Variants in ST3GAL5 observed in about 807,000 individuals in gnomAD.
The protein encoded by ST3GAL5 is ST3 beta-galactoside alpha-2,3-sialyltransferase 5, also known as lactosylceramide alpha-2,3-sialyltransferase.
A neutral mutation model predicts 46.1 loss-of-function variants in ST3GAL5; 25 were observed. That is an observed-to-expected ratio of 0.54 (90% CI 0.40 to 0.76). ST3GAL5 has a LOEUF of 0.76. ST3GAL5 is among the 30% of genes least tolerant of loss of function. The pLI is 0.00. For missense variants in ST3GAL5, 431 were observed against 521.2 expected (o/e 0.83, Z 1.69); for synonymous variants, 182 against 192.7 (o/e 0.94, Z 0.46).
chr2:85,883,787 T>C (rs1296122357), intron 1 of ST3GAL5, among the ~76,000 whole-genome samples: 1 of 152,110 alleles, frequency 6.6e-6, no homozygotes, highest in Admixed American at 6.5e-5. Context: ...GGTGAGGTGG[T>C]TTAAAGTGGA....
rs180807193 is a variant in ST3GAL5 at position 85,887,088 on chromosome 2, A to T, written c.82+1736T>A. On this transcript the variant is annotated intron_variant, in intron 1 of 6. Transcript: ENST00000638572. ...TCCAGGACCTGGAATGGACTCCCACAGAGGACTCACCAACCTCTTTTCATT... is the reference window on the plus strand; with the variant it reads ...TCCAGGACCTGGAATGGACTCCCACTGAGGACTCACCAACCTCTTTTCATT... Among the ~76,000 whole-genome samples the T allele has an allele frequency of 2.6e-3, 399 of 152,272 alleles. 1 individual carries two copies. The highest frequency in any genetic ancestry group is 9.0e-3 in the African/African-American group (373 of 41,560).
At chr2:85,864,591 A>G (rs1267821701) in intron 1 of ST3GAL5, among the ~76,000 whole-genome samples, 1 of 137,384 alleles carries the variant, frequency 7.3e-6, no homozygotes, top group Non-Finnish European at 1.7e-5. Context: ...ATCAAAAAAA[A>G]AAAAGAAAAA....
chr2:85,871,614 T>A (rs1051411448), intron 1 of ST3GAL5, among the ~76,000 whole-genome samples: 1 of 152,166 alleles, frequency 6.6e-6, no homozygotes, highest in Non-Finnish European at 1.5e-5. Flanking sequence ...TATGATCTAG[T>A]GAACCTAAAA....
At chr2:85,881,221 C>T (rs1340572875) in intron 1 of ST3GAL5, among the ~76,000 whole-genome samples, 3 of 152,224 alleles carry the variant, frequency 2.0e-5, no homozygotes, top group Non-Finnish European at 4.4e-5. Flanking sequence ...ACATGTGGAA[C>T]TGTAAATCCA....
chr2:85,848,262 TC>T (rs1683059876), intron 3 of ST3GAL5, 58 bp from the exon 4 acceptor site: 5 of 1,612,824 alleles, frequency 3.1e-6, no homozygotes, highest in Non-Finnish European at 4.2e-6. Context: ...AAAAATATAC[TC>T]TTCTAGATGA....
intron 3 of ST3GAL5, chr2:85,851,413 C>T: frequency 8.3e-7 from 1 of 1,199,308 alleles, no homozygotes; most frequent in Non-Finnish European, 1.1e-6. Flanking sequence ...CCACTGATTG[C>T]CTGGAGACAG....
Position 85,888,978 on chromosome 2 carries a change from C to G in ST3GAL5, c.-73G>C. The G allele has an allele frequency of 2.6e-6, 3 of 1,173,552 alleles. No individual in the cohort carries two copies. Among genetic ancestry groups the G allele is most frequent in the Non-Finnish European group, 3.2e-6 (3 of 933,462 alleles). The allele number at this position is 1,173,552 out of a possible 1,614,324, so 72.7% of individuals were successfully genotyped here. A position where few individuals can be genotyped will look rare whatever the true frequency, so the allele number is the denominator to read the frequency against. On this transcript the variant is annotated 5_prime_UTR_variant, in exon 1 of 7. Coordinates refer to ENST00000638572, the MANE Select transcript of ST3GAL5 (RefSeq NM_003896.4). The stretch of plus-strand genomic sequence containing the variant: ...CCACCCGCCCCCAGCGCCGCTCTCG[C>G]GCCCATTCAGCTGGGGGCCGCCGCT...
At chr2:85,851,784 G>C in intron 3 of ST3GAL5, 2 of 1,210,768 alleles carry the variant, frequency 1.7e-6, no homozygotes. Flanking sequence ...CGTCAGCTGG[G>C]GCCTGGGTGG....
At chr2:85,889,007 C>T, upstream of ST3GAL5, 3 of 910,078 alleles carry the variant, frequency 3.3e-6, no homozygotes, top group South Asian at 8.6e-5. Context: ...CGCCGCTCCC[C>T]CGCTCAGATG....
intron 1 of ST3GAL5, chr2:85,888,394 C>G (rs930639931): frequency 6.5e-6 from 1 of 153,956 alleles, no homozygotes; most frequent in Admixed American, 6.5e-5. Flanking sequence ...CACGCCTCCC[C>G]GATGGATGCA....
chr2:85,870,920 C>T (rs182035066), intron 1 of ST3GAL5, among the ~76,000 whole-genome samples: 3 of 152,132 alleles, frequency 2.0e-5, no homozygotes, highest in Middle Eastern at 3.4e-3. Context: ...CCGCCTTGGC[C>T]GCCCAAAGTG....
chr2:85,840,101 C>T lies in ST3GAL5; in HGVS notation c.*43G>A. On this transcript the variant is annotated 3_prime_UTR_variant, in exon 7 of 7. Transcript: ENST00000638572. Reference sequence around the variant, plus strand: ...ACATCAAGAAGGCTGTCAAAAACAGCTCTCAGAGTTAGAGTTGCATTTTCA... The same window carrying T: ...ACATCAAGAAGGCTGTCAAAAACAGTTCTCAGAGTTAGAGTTGCATTTTCA... 1 of 1,614,040 alleles carries T rather than the reference C, an allele frequency of 6.2e-7. No homozygotes were observed. Among genetic ancestry groups the T allele is most frequent in the South Asian group, 1.1e-5 (1 of 91,046 alleles).
chr2:85,851,095 T>C (rs1302103468), intron 3 of ST3GAL5: 5 of 236,116 alleles, frequency 2.1e-5, no homozygotes, highest in Non-Finnish European at 3.5e-5. Flanking sequence ...TTTTGTATTT[T>C]CAGTACAGAC....
At chr2:85,870,266 G>A in intron 1 of ST3GAL5, 1 of 469,828 alleles carries the variant, frequency 2.1e-6, no homozygotes. Flanking sequence ...TGCCTAGGAA[G>A]GGAAGAGGCA....
chr2:85,868,053 G>C (rs1300355199), intron 1 of ST3GAL5: 2 of 218,170 alleles, frequency 9.2e-6, no homozygotes, highest in Non-Finnish European at 1.9e-5. Context: ...CAAGAGAAGG[G>C]CCAAGCTGGG....
At chr2:85,854,331 C>G (rs1206855944) in intron 3 of ST3GAL5, 1 of 152,624 alleles carries the variant, frequency 6.6e-6, no homozygotes, top group Admixed American at 6.6e-5. Context: ...AGAAGTCCTC[C>G]CAACCCCCCT....
rs1683047204 is a variant in ST3GAL5, at chr2:85,848,190, A to AT, written c.332dup (p.Tyr111Ter). 4.3e-6 allele frequency: 7 copies of AT among 1,614,120 alleles called. No homozygotes were observed. The highest frequency in any genetic ancestry group is 5.9e-6 in the Non-Finnish European group (7 of 1,180,034). ...ATTCCTTCTGCAAGACTTGCTGAGC[A>AT]TATTTCTGAGCTCTCTGGAATGAAA... is the stretch of plus-strand genomic sequence containing the variant. ...DPDHVKRAQK[Y>*]AQQVLQKECR... The change falls in exon 4 of 7, where the codon TAT becomes TAAT. Residue 111 changes from tyrosine to a stop codon, truncating the protein, a stop_gained and frameshift_variant. Coordinates refer to ENST00000638572, the MANE Select transcript of ST3GAL5 (RefSeq NM_003896.4). LOFTEE classifies it high-confidence loss of function.
At position 85,852,175 on chromosome 2, in the gene ST3GAL5, A is replaced by T. The variant is rs1046997662; in HGVS notation, c.319-3971T>A. On this transcript the variant is annotated intron_variant, in intron 3 of 6. Coordinates refer to ENST00000638572, the MANE Select transcript of ST3GAL5 (RefSeq NM_003896.4). Reference sequence around the variant, plus strand: ...TGTTCTATTGCACTTATTATTTTTTAAAAATCCGGAACAGGGCAGAGCATT... The same window carrying T: ...TGTTCTATTGCACTTATTATTTTTTTAAAATCCGGAACAGGGCAGAGCATT... Among the ~76,000 whole-genome samples, 36 of 152,208 alleles carry T rather than the reference A, an allele frequency of 2.4e-4. 1 individual carries two copies. Among genetic ancestry groups the T allele is most frequent in the Admixed American group, 5.2e-4 (8 of 15,274 alleles).
intron 1 of ST3GAL5, among the ~76,000 whole-genome samples, chr2:85,877,011 T>TC (rs1686655836): frequency 6.6e-6 from 1 of 152,234 alleles, no homozygotes; most frequent in Non-Finnish European, 1.5e-5. Context: ...TTAACCAGAC[T>TC]CCCCAGTTGT....
Sources: allele counts gnomAD v4.1 joint callset (sites outside exome capture counted in the v4.1 genomes callset), GRCh38; gene constraint gnomAD v4.1.1; transcripts MANE v1.5; gene names NCBI Gene and HGNC (gene_info 2026-07-23, HGNC 2026-07-21).